The following ERC1 variants were observed in gnomAD, a reference collection of about 807,000 sequenced individuals.
The protein encoded by ERC1 is ELKS/RAB6-interacting/CAST family member 1.
Under a neutral mutation model 132.0 loss-of-function variants are expected in ERC1, and 56 were observed. The ratio of observed to expected loss-of-function variants is 0.42; its 90% CI spans 0.34 to 0.53. The LOEUF is 0.53. Among genes scored for constraint, ERC1 ranks in the 20% least tolerant of loss-of-function variants. ERC1 has a pLI of 0.03. For synonymous variants in ERC1, 478 were observed against 476.1 expected, an observed-to-expected ratio of 1.00 and a Z score of -0.05; for missense variants, 1,202 against 1,349.9, an observed-to-expected ratio of 0.89 and a Z score of 1.72.
intron 11 of ERC1, among the ~76,000 whole-genome samples, chr12:1,185,364 G>T (rs1012878300): frequency 6.6e-6 from 1 of 151,332 alleles, no homozygotes; most frequent in Non-Finnish European, 1.5e-5. Flanking sequence ...AATGCTTAAT[G>T]CTTTTTTTTT....
intron 16 of ERC1, chr12:1,386,560 A>T (rs2089376798): frequency 6.7e-6 from 1 of 148,224 alleles, no homozygotes; most frequent in African/African-American, 2.5e-5. Flanking sequence ...AGGTGGGAGG[A>T]TCGCTTGGAT....
Position 1,495,866 on chromosome 12 carries a change from T to C in ERC1, c.*5636T>C, listed in dbSNP as rs1227519090. On this transcript the variant is annotated 3_prime_UTR_variant, in exon 19 of 19. Transcript: ENST00000360905. The stretch of plus-strand genomic sequence containing the variant: ...GCCTTGATAATTATTGTAAACACTT[T>C]GTTCATTTTTTCTTTTTTATTCACA... The C allele has an allele frequency of 1.5e-5, 3 of 194,786 alleles. No individual in the cohort carries two copies. Among genetic ancestry groups the C allele is most frequent in the South Asian group, 1.9e-4 (1 of 5,218 alleles). 12.1% of individuals were successfully genotyped at this position (194,786 alleles called of 1,614,324 possible).
Position 1,493,038 on chromosome 12 carries a change from A to G in ERC1, c.*2808A>G, listed in dbSNP as rs1237323865. The stretch of plus-strand genomic sequence containing the variant: ...ACCTAAAGATCTGCACCCCAAACCA[A>G]TGTCACCATAAAGAGGGCACGAAGA... On this transcript the variant is annotated 3_prime_UTR_variant, in exon 19 of 19. Transcript: ENST00000360905. The G allele has an allele frequency of 9.0e-6, 2 of 222,238 alleles. No homozygotes were observed. Among genetic ancestry groups the G allele is most frequent in the African/African-American group, 2.2e-5 (1 of 44,642 alleles). The allele number at this position is 222,238 out of a possible 1,614,324, so 13.8% of individuals were successfully genotyped here.
At chr12:1,297,049 C>T (rs11061691) in intron 15 of ERC1, among the ~76,000 whole-genome samples, 60,899 of 151,574 alleles carry the variant, frequency 0.4, 12,718 homozygotes, top group Middle Eastern at 0.52. Flanking sequence ...ACTAGAAATA[C>T]CATAGTCCAG....
intron 3 of ERC1, among the ~76,000 whole-genome samples, chr12:1,099,867 T>G (rs931637171): frequency 6.9e-5 from 4 of 57,660 alleles, no homozygotes; most frequent in African/African-American, 1.3e-4. Context: ...TTTTTTTTTT[T>G]GACAGAGTCT....
chr12:1,414,159 C>T (rs1012588462), intron 17 of ERC1, among the ~76,000 whole-genome samples: 3 of 152,224 alleles, frequency 2.0e-5, no homozygotes, highest in African/African-American at 7.2e-5. Flanking sequence ...GGACAGTTCC[C>T]AACAGGCCAC....
intron 8 of ERC1, among the ~76,000 whole-genome samples, chr12:1,179,558 A>C: frequency 8.1e-6 from 1 of 122,980 alleles, no homozygotes; most frequent in Non-Finnish European, 1.6e-5. Context: ...CCCAGGCTGG[A>C]GTGCAGTGGC....
chr12:1,353,230 C>T (rs1163874538), intron 15 of ERC1, among the ~76,000 whole-genome samples: 1 of 151,966 alleles, frequency 6.6e-6, no homozygotes, highest in African/African-American at 2.4e-5. Flanking sequence ...TGGGGTTTCA[C>T]CGTGTTAGCC....
chr12:1,117,219 GA>G (rs1946550510), intron 7 of ERC1, among the ~76,000 whole-genome samples: 1 of 151,898 alleles, frequency 6.6e-6, no homozygotes, highest in South Asian at 2.1e-4. Flanking sequence ...TAATTTGGTG[GA>G]AAAAAGGAAT....
At chr12:1,383,944 A>G (rs1444934305) in intron 16 of ERC1, among the ~76,000 whole-genome samples, 1 of 152,128 alleles carries the variant, frequency 6.6e-6, no homozygotes, top group Non-Finnish European at 1.5e-5. Context: ...GAAAGAGGTT[A>G]AGTAACTTGC....
intron 15 of ERC1, among the ~76,000 whole-genome samples, chr12:1,355,608 A>G (rs902094036): frequency 6.6e-5 from 10 of 152,220 alleles, no homozygotes; most frequent in Admixed American, 1.3e-4. Context: ...ATACTGACCT[A>G]GAGAATAGCT....
At chr12:1,423,553 G>A (rs944143356) in intron 17 of ERC1, among the ~76,000 whole-genome samples, 7 of 152,104 alleles carry the variant, frequency 4.6e-5, no homozygotes, top group African/African-American at 1.7e-4. Context: ...TTCTTTAATT[G>A]TCACATACAG....
At chr12:1,217,355 A>T (rs1001480104) in intron 12 of ERC1, among the ~76,000 whole-genome samples, 1 of 152,134 alleles carries the variant, frequency 6.6e-6, no homozygotes, top group African/African-American at 2.4e-5. Flanking sequence ...GCAGTACTAG[A>T]TTCTTATCTT....
At chr12:1,478,582 A>C (rs937114668) in intron 18 of ERC1, among the ~76,000 whole-genome samples, 1 of 152,012 alleles carries the variant, frequency 6.6e-6, no homozygotes, top group East Asian at 1.9e-4. Flanking sequence ...TCACGAGGTC[A>C]GGAGATCGAG....
At chr12:1,370,337 T>A (rs1298306656) in intron 15 of ERC1, among the ~76,000 whole-genome samples, 1 of 152,232 alleles carries the variant, frequency 6.6e-6, no homozygotes, top group Non-Finnish European at 1.5e-5. Flanking sequence ...AAGTTTAAAT[T>A]ACTGTTTCAA....
intron 18 of ERC1, among the ~76,000 whole-genome samples, chr12:1,470,065 G>A (rs1044838248): frequency 6.6e-6 from 1 of 151,228 alleles, no homozygotes; most frequent in African/African-American, 2.4e-5. Context: ...GGGTCATTTC[G>A]TCATCTCACA....
chr12:1,216,105 C>G (rs1958381530), intron 12 of ERC1, among the ~76,000 whole-genome samples: 1 of 151,992 alleles, frequency 6.6e-6, no homozygotes, highest in Non-Finnish European at 1.5e-5. Flanking sequence ...TTGGTCTCCC[C>G]CTCTCCTTCC....
chr12:1,158,826 G>A (rs1009249107), intron 8 of ERC1, among the ~76,000 whole-genome samples: 2 of 151,962 alleles, frequency 1.3e-5, no homozygotes, highest in Admixed American at 1.3e-4. Flanking sequence ...AGGGTTATGG[G>A]TGCTATCCCA....
chr12:1,191,042 T>A (rs1955676894), intron 12 of ERC1, among the ~76,000 whole-genome samples: 1 of 152,158 alleles, frequency 6.6e-6, no homozygotes. Flanking sequence ...AGAATTTTAA[T>A]TTTCAAGAAA....
Sources: gnomAD v4.1 joint callset for allele counts (sites outside exome capture counted in the v4.1 genomes callset) on GRCh38, gnomAD v4.1.1 for gene constraint, MANE v1.5 for transcripts, NCBI Gene and HGNC (gene_info 2026-07-23, HGNC 2026-07-21) for gene names.